GOLGA3: variants seen among roughly 807,000 people sequenced by gnomAD.
The protein encoded by GOLGA3 is golgin A3.
A neutral mutation model predicts 169.4 loss-of-function variants in GOLGA3; 75 were observed. The observed-to-expected ratio is 0.44, with a 90% CI of 0.37 to 0.54. The LOEUF (loss-of-function observed/expected upper bound fraction) is 0.54, where lower values mean the gene tolerates loss of function less well. GOLGA3 is among the 20% of genes least tolerant of loss of function. The probability of loss-of-function intolerance (pLI) is 0.00; values close to 1 mark genes in which losing one functional copy is unlikely to be tolerated. For synonymous variants in GOLGA3, 824 were observed against 822.4 expected, an observed-to-expected ratio of 1.00 and a Z score of -0.03; for missense variants, 1,899 against 1,930.0, an observed-to-expected ratio of 0.98 and a Z score of 0.30.
rs755721910 is a variant in GOLGA3 at position 132,784,145 on chromosome 12, G to C, written c.3267+19C>G. 1.9e-6 allele frequency: 3 copies of C among 1,604,610 alleles called. No homozygotes were observed. The highest frequency in any genetic ancestry group is 4.5e-5 in the East Asian group (2 of 44,882). On this transcript the variant is annotated intron_variant, in intron 16 of 23. Transcript: ENST00000450791. ...TGACCTGCCCCACGCTGCCGCCACA[G>C]CAGATGGCCAGGCCTCACCTCGTCC... is the stretch of plus-strand genomic sequence containing the variant.
At chr12:132,814,456 AGAACCT>A (rs1283816819) in intron 3 of GOLGA3, among the ~76,000 whole-genome samples, 1 of 152,208 alleles carries the variant, frequency 6.6e-6, no homozygotes, top group Non-Finnish European at 1.5e-5. Flanking sequence ...CCCCGCTGGG[AGAACCT>A]GAAACGCCGG....
intron 11 of GOLGA3, among the ~76,000 whole-genome samples, chr12:132,795,494 G>T (rs1948786528): frequency 1.3e-5 from 2 of 148,358 alleles, no homozygotes; most frequent in African/African-American, 5.0e-5. Context: ...AGGCATGGTG[G>T]TTCAGCCTGT....
At position 132,823,008 on chromosome 12, in the gene GOLGA3, G is replaced by A. The variant is rs116793137; in HGVS notation, c.-183-697C>T. Among the ~76,000 whole-genome samples, 782 of 152,312 alleles carry A rather than the reference G, an allele frequency of 5.1e-3. 7 individuals carry two copies. Among genetic ancestry groups the A allele is most frequent in the African/African-American group, 0.018 (740 of 41,578 alleles). ...TCTGCCCAAGGCCACGGCTCCTGCC[G>A]GCAGCCCCACCCCTTCAGGTTGGAC... On this transcript the variant is annotated intron_variant, in intron 1 of 23. Transcript: ENST00000450791.
chr12:132,797,497 G>A (rs1218612032), intron 9 of GOLGA3, among the ~76,000 whole-genome samples: 1 of 152,204 alleles, frequency 6.6e-6, no homozygotes, highest in Non-Finnish European at 1.5e-5. Flanking sequence ...GATCACCTGA[G>A]GTCAAGAGTT....
At chr12:132,809,007 C>T (rs953914599) in intron 4 of GOLGA3, among the ~76,000 whole-genome samples, 1 of 152,296 alleles carries the variant, frequency 6.6e-6, no homozygotes, top group African/African-American at 2.4e-5. Flanking sequence ...CCCTGAATGT[C>T]GGGCTGCGCT....
At chr12:132,803,798 C>T (rs1366984211) in intron 7 of GOLGA3, among the ~76,000 whole-genome samples, 3 of 152,158 alleles carry the variant, frequency 2.0e-5, no homozygotes, top group Non-Finnish European at 2.9e-5. Flanking sequence ...GCCCTCACAG[C>T]GGCTGCACCA....
intron 11 of GOLGA3, among the ~76,000 whole-genome samples, chr12:132,795,402 G>A (rs1291702462): frequency 5.3e-5 from 8 of 150,440 alleles, no homozygotes; most frequent in East Asian, 3.9e-4. Flanking sequence ...TGAGGTGGGC[G>A]GATCACTTGA....
At chr12:132,776,827 C>T in intron 20 of GOLGA3, 71 bp from the exon 21 acceptor site, 1 of 1,582,440 alleles carries the variant, frequency 6.3e-7, no homozygotes, top group Non-Finnish European at 8.6e-7. Flanking sequence ...ATGGCTCTAG[C>T]TGTGTTTTGG....
In GOLGA3 at chr12:132,773,033, C is replaced by T. The variant is rs376573329; in HGVS notation, c.*72G>A. On this transcript the variant is annotated 3_prime_UTR_variant, in exon 24 of 24. Coordinates refer to ENST00000450791, the MANE Select transcript of GOLGA3 (RefSeq NM_001389683.1). The stretch of plus-strand genomic sequence containing the variant: ...ATTTCATGTCTTAGAAAAACATCGA[C>T]CACACAATCAAATAAATAACATTGA... The T allele has an allele frequency of 9.0e-6, 10 of 1,116,982 alleles. No homozygotes were observed. The highest frequency in any genetic ancestry group is 1.6e-5 in the African/African-American group (1 of 61,556). The allele number at this position is 1,116,982 out of a possible 1,614,324, so 69.2% of individuals were successfully genotyped here. A position where few individuals can be genotyped will look rare whatever the true frequency, so the allele number is the denominator to read the frequency against.
intron 13 of GOLGA3, among the ~76,000 whole-genome samples, chr12:132,788,319 C>G (rs1351276919): frequency 6.6e-6 from 1 of 152,204 alleles, no homozygotes; most frequent in Non-Finnish European, 1.5e-5. Flanking sequence ...ATAAGCAAAA[C>G]GTAGCACTTG....
chr12:132,809,598 G>A (rs1335921682), intron 4 of GOLGA3, among the ~76,000 whole-genome samples: 1 of 152,194 alleles, frequency 6.6e-6, no homozygotes, highest in East Asian at 1.9e-4. Flanking sequence ...GCCCTGTCTG[G>A]GCATAACAGA....
At chr12:132,827,008 C>G (rs1184902167) in intron 1 of GOLGA3, among the ~76,000 whole-genome samples, 1 of 152,164 alleles carries the variant, frequency 6.6e-6, no homozygotes, top group Admixed American at 6.5e-5. Flanking sequence ...CTTAGAACTG[C>G]GAAAGGTACA....
rs760072047 is a variant in GOLGA3, at chr12:132,801,878, C to T, written c.1689G>A (p.Ala563=). 18 of 1,604,688 alleles carry T rather than the reference C, an allele frequency of 1.1e-5. No homozygotes were observed. The highest frequency in any genetic ancestry group is 1.6e-4 in the Middle Eastern group (1 of 6,062). ...GCAGGGACGAGATCTCCGCCTGCGA[C>T]GCCTTCAGCTTGCTGGTCAGCGTCG... ...ERTTLTSKLK[A]SQAEISSLQS... Residue 563 remains alanine (A), a synonymous_variant, in exon 8 of 24, where the codon GCG becomes GCA. Transcript: ENST00000450791.
In GOLGA3 at chr12:132,804,017, T is replaced by C. The variant is rs1370731164; in HGVS notation, c.1597+699A>G. On this transcript the variant is annotated intron_variant, in intron 7 of 23. Coordinates refer to ENST00000450791, the MANE Select transcript of GOLGA3 (RefSeq NM_001389683.1). This position sits in a 1 kb window ranked among gnomAD's most constrained non-coding sequence, Gnocchi z 4.1. ...TCTCCGTGTCTGCTGGGCACTGGAG[T>C]GTGAGCTCTGGGACTGGCCCGGGCG... Among the ~76,000 whole-genome samples, 1 of 152,012 alleles carries C rather than the reference T, an allele frequency of 6.6e-6. No individual in the cohort carries two copies. The highest frequency in any genetic ancestry group is 1.5e-5 in the Non-Finnish European group (1 of 68,002).
chr12:132,807,873 C>G lies in GOLGA3; in HGVS notation c.1178+18G>C. On this transcript the variant is annotated intron_variant, in intron 5 of 23. Transcript: ENST00000450791. ...ACCCACCTCCACCCACCCCGCCCAC[C>G]TCTGCTGTCCCCACCACCTGCTGCA... 1 of 1,507,504 alleles carries G rather than the reference C, an allele frequency of 6.6e-7. No homozygotes were observed. Among genetic ancestry groups the G allele is most frequent in the Non-Finnish European group, 9.0e-7 (1 of 1,113,704 alleles). 93.4% of individuals were successfully genotyped at this position (1,507,504 alleles called of 1,614,324 possible).
intron 13 of GOLGA3, among the ~76,000 whole-genome samples, chr12:132,787,990 C>T (rs539516889): frequency 3.3e-5 from 5 of 152,240 alleles, no homozygotes; most frequent in South Asian, 4.1e-4. Context: ...CTCCTGCCCT[C>T]GCAGCCTTTC....
intron 18 of GOLGA3, among the ~76,000 whole-genome samples, chr12:132,780,037 G>A (rs968729345): frequency 7.7e-6 from 1 of 129,872 alleles, no homozygotes; most frequent in Non-Finnish European, 1.6e-5. Context: ...GCCCTTGCAC[G>A]GACACCCCCC....
chr12:132,773,819 T>G (rs142604993), intron 23 of GOLGA3, among the ~76,000 whole-genome samples: 9 of 103,906 alleles, frequency 8.7e-5, no homozygotes, highest in Admixed American at 5.5e-4. Flanking sequence ...TATATAAACC[T>G]CAGAGGCTGT....
At chr12:132,807,843 GCCCCACCCACCTCCACCCA>G (rs774157435) in intron 5 of GOLGA3, 29 bp downstream of exon 5, 3 of 254,784 alleles carry the variant, frequency 1.2e-5, no homozygotes, top group Admixed American at 7.1e-5. Context: ...CCCTCTGTTG[GCCCCACCCACCTCCACCCA>G]CCCCGCCCAC....
Sources: allele counts gnomAD v4.1 joint callset (sites outside exome capture counted in the v4.1 genomes callset), GRCh38; gene constraint gnomAD v4.1.1; non-coding constraint Gnocchi (gnomAD v3.1); transcripts MANE v1.5; gene names NCBI Gene and HGNC (gene_info 2026-07-23, HGNC 2026-07-21).